The following PAH variants were observed in gnomAD, a reference collection of about 807,000 sequenced individuals.
The protein encoded by PAH is phenylalanine hydroxylase.
A neutral mutation model predicts 62.0 loss-of-function variants in PAH; 64 were observed. The ratio of observed to expected loss-of-function variants is 1.03; its 90% CI spans 0.84 to 1.27. PAH has a LOEUF of 1.27. Ranked by LOEUF, PAH falls within the 50% of genes most tolerant of loss-of-function variation. The pLI, the probability that PAH is intolerant of heterozygous loss-of-function variation, is 0.00. For missense variants in PAH, 579 were observed against 542.8 expected, an observed-to-expected ratio of 1.07 and a Z score of -0.66; for synonymous variants, 195 against 196.2, an observed-to-expected ratio of 0.99 and a Z score of 0.05.
chr12:102,874,920 CA>C (rs1220524092), intron 4 of PAH, among the ~76,000 whole-genome samples: 2 of 152,144 alleles, frequency 1.3e-5, no homozygotes, highest in Non-Finnish European at 2.9e-5. Context: ...GGTTCAGGGA[CA>C]AAGAGATCAC....
At chr12:102,858,934 A>C (rs1292083331) in intron 5 of PAH, among the ~76,000 whole-genome samples, 2 of 152,196 alleles carry the variant, frequency 1.3e-5, no homozygotes, top group Admixed American at 1.3e-4. Flanking sequence ...AAGAACAAAC[A>C]CATTCAAAAG....
chr12:102,936,879 C>T (rs1377088623), intron 1 of PAH, among the ~76,000 whole-genome samples: 1 of 152,094 alleles, frequency 6.6e-6, no homozygotes, highest in East Asian at 1.9e-4. Context: ...TTGGCTGAGT[C>T]CCCACTCAAA....
chr12:102,947,083 A>G (rs1879527889), intron 1 of PAH, among the ~76,000 whole-genome samples: 1 of 152,218 alleles, frequency 6.6e-6, no homozygotes, highest in Non-Finnish European at 1.5e-5. Flanking sequence ...AAGCAATGAT[A>G]TAGTAATAGG....
chr12:102,910,118 A>G (rs1472613889), intron 2 of PAH, among the ~76,000 whole-genome samples: 1 of 152,234 alleles, frequency 6.6e-6, no homozygotes, highest in Non-Finnish European at 1.5e-5. Context: ...GGATATAAAC[A>G]TGACTGAGAC....
At chr12:102,854,147 T>C (rs1875302309) in intron 6 of PAH, among the ~76,000 whole-genome samples, 1 of 152,160 alleles carries the variant, frequency 6.6e-6, no homozygotes, top group Non-Finnish European at 1.5e-5. Context: ...CTTACTCCCT[T>C]CTTTATCTAA....
At chr12:102,928,234 A>G (rs1187746876) in intron 1 of PAH, among the ~76,000 whole-genome samples, 2 of 152,208 alleles carry the variant, frequency 1.3e-5, no homozygotes, top group African/African-American at 4.8e-5. Flanking sequence ...TCATACAATG[A>G]GTCATAATCA....
intron 1 of PAH, among the ~76,000 whole-genome samples, chr12:102,926,059 G>A (rs1053429341): frequency 1.3e-5 from 2 of 151,452 alleles, no homozygotes; most frequent in Non-Finnish European, 2.9e-5. Context: ...TAAGTGCCAG[G>A]CACTGTTTAT....
At chr12:102,847,017 C>T in intron 8 of PAH, 66 bp from the exon 9 acceptor site, 1 of 1,388,452 alleles carries the variant, frequency 7.2e-7, no homozygotes, top group South Asian at 1.2e-5. Flanking sequence ...CAACCTAGTA[C>T]TTGGCCATAA....
At chr12:102,906,813 C>T (rs1287916593) in intron 2 of PAH, among the ~76,000 whole-genome samples, 1 of 152,202 alleles carries the variant, frequency 6.6e-6, no homozygotes, top group Non-Finnish European at 1.5e-5. Flanking sequence ...TAAGCCACAG[C>T]CCTGCATCCA....
intron 4 of PAH, among the ~76,000 whole-genome samples, chr12:102,876,694 T>A (rs1365014387): frequency 3.9e-5 from 6 of 152,160 alleles, no homozygotes; most frequent in African/African-American, 1.4e-4. Flanking sequence ...CTGTGAGACC[T>A]GGCCCTGAGC....
At chr12:102,849,727 C>T (rs941058959) in intron 8 of PAH, among the ~76,000 whole-genome samples, 7 of 152,172 alleles carry the variant, frequency 4.6e-5, no homozygotes, top group South Asian at 4.1e-4. Flanking sequence ...ACCAAAATGG[C>T]GCCTTGTTCT....
At chr12:102,944,036 A>T (rs1879395402) in intron 1 of PAH, among the ~76,000 whole-genome samples, 1 of 152,188 alleles carries the variant, frequency 6.6e-6, no homozygotes, top group Admixed American at 6.5e-5. Context: ...CTAAAATAAA[A>T]GTTGGAAAGA....
intron 1 of PAH, among the ~76,000 whole-genome samples, chr12:102,935,873 CTTTGT>C (rs1879083584): frequency 6.6e-6 from 1 of 151,002 alleles, no homozygotes. Context: ...GTATTGTTTT[CTTTGT>C]TTTATTTCTT....
At chr12:102,857,018 T>C (rs1221584768) in intron 5 of PAH, among the ~76,000 whole-genome samples, 1 of 152,168 alleles carries the variant, frequency 6.6e-6, no homozygotes, top group Admixed American at 6.5e-5. Flanking sequence ...CTTCAGACGA[T>C]AAAACTTCTC....
At chr12:102,860,713 G>C (rs1307113629) in intron 5 of PAH, among the ~76,000 whole-genome samples, 1 of 152,082 alleles carries the variant, frequency 6.6e-6, no homozygotes, top group Non-Finnish European at 1.5e-5. Context: ...TGACAAACCT[G>C]ACAAAAACAA....
intron 5 of PAH, among the ~76,000 whole-genome samples, chr12:102,864,509 G>A (rs942913483): frequency 2.0e-5 from 3 of 152,156 alleles, no homozygotes; most frequent in African/African-American, 4.8e-5. Flanking sequence ...CTTCCTAACT[G>A]AGTGAGACCT....
intron 8 of PAH, among the ~76,000 whole-genome samples, chr12:102,847,529 C>T (rs534006379): frequency 6.6e-6 from 1 of 152,316 alleles, no homozygotes; most frequent in East Asian, 1.9e-4. Context: ...TATATTAATT[C>T]ACTCTCAAAA....
intron 1 of PAH, among the ~76,000 whole-genome samples, chr12:102,947,811 G>A (rs1181058893): frequency 5.3e-5 from 8 of 152,186 alleles, no homozygotes; most frequent in African/African-American, 1.9e-4. Flanking sequence ...CAAGAAATTA[G>A]CTCGTGTGGT....
At chr12:102,858,363 A>G (rs1875543425) in intron 5 of PAH, among the ~76,000 whole-genome samples, 1 of 152,254 alleles carries the variant, frequency 6.6e-6, no homozygotes, top group African/African-American at 2.4e-5. Flanking sequence ...TTAGACTCCC[A>G]CACAATAGTA....
Sources: gnomAD v4.1 joint callset for allele counts (sites outside exome capture counted in the v4.1 genomes callset) on GRCh38, gnomAD v4.1.1 for gene constraint, MANE v1.5 for transcripts, NCBI Gene and HGNC (gene_info 2026-07-23, HGNC 2026-07-21) for gene names.